The following CCDC68 variants were observed in gnomAD, a reference collection of about 807,000 sequenced individuals.
CCDC68 encodes coiled-coil domain containing 68.
In CCDC68, 45 loss-of-function variants were observed where a neutral mutation model predicts 47.1. The ratio of observed to expected loss-of-function variants is 0.96; its 90% CI spans 0.75 to 1.23. The LOEUF is 1.23. Ranked by LOEUF, CCDC68 falls within the 50% of genes most tolerant of loss-of-function variation. CCDC68 has a pLI of 0.00. For missense variants in CCDC68, 353 were observed against 373.6 expected (o/e 0.94, Z 0.45); for synonymous variants, 131 against 129.5 (o/e 1.01, Z -0.08).
chr18:54,950,801 T>TATATATATATATATATATATATATATAA (rs2044602515), intron 1 of CCDC68, among the ~76,000 whole-genome samples: 1 of 87,530 alleles, frequency 1.1e-5, no homozygotes, highest in Non-Finnish European at 2.3e-5. Flanking sequence ...TATATATATA[T>TATATATATATATATATATATATATATAA]ATGATGCAAT....
At chr18:54,904,542 A>G in intron 11 of CCDC68, 127 bp from the exon 12 acceptor site, 1 of 722,410 alleles carries the variant, frequency 1.4e-6, no homozygotes, top group Non-Finnish European at 2.4e-6. Flanking sequence ...TTGTTCTAAG[A>G]GATGTGTTAA....
In CCDC68 at chr18:54,956,435, A is replaced by G. The variant is rs1338036043; in HGVS notation, c.-103+2901T>C. On this transcript the variant is annotated intron_variant, in intron 1 of 11. Transcript: ENST00000591504. ...AAAGCACCAAATAAGAGGTTGGCTC[A>G]TATCAGTTATTCTCACATTATGCTA... Among the ~76,000 whole-genome samples the G allele has an allele frequency of 2.0e-5, 3 of 152,272 alleles. 1 individual carries two copies. Among genetic ancestry groups the G allele is most frequent in the African/African-American group, 7.2e-5 (3 of 41,478 alleles).
chr18:54,924,589 C>T (rs759632445), intron 8 of CCDC68, among the ~76,000 whole-genome samples: 1 of 152,184 alleles, frequency 6.6e-6, no homozygotes, highest in African/African-American at 2.4e-5. Flanking sequence ...GGTTCACTTC[C>T]TGTTAGATTC....
At chr18:54,928,105 A>T (rs2044176389) in intron 8 of CCDC68, among the ~76,000 whole-genome samples, 1 of 152,202 alleles carries the variant, frequency 6.6e-6, no homozygotes, top group Non-Finnish European at 1.5e-5. Context: ...CGGAACATAC[A>T]ATGACTGTGT....
chr18:54,917,856 C>T (rs2043982307), intron 10 of CCDC68, 57 bp downstream of exon 10: 1 of 921,830 alleles, frequency 1.1e-6, no homozygotes, highest in Non-Finnish European at 1.8e-6. Context: ...CACACACACA[C>T]ACACACACAC....
intron 8 of CCDC68, among the ~76,000 whole-genome samples, 176 bp from the exon 9 acceptor site, chr18:54,919,552 G>C (rs996396177): frequency 1.3e-5 from 2 of 152,174 alleles, no homozygotes; most frequent in African/African-American, 4.8e-5. Flanking sequence ...TATGAAGCGG[G>C]CTCTAATTTG....
chr18:54,930,695 C>CCTCTCTCTCTCT (rs773697746), intron 7 of CCDC68, among the ~76,000 whole-genome samples: 3 of 73,896 alleles, frequency 4.1e-5, no homozygotes, highest in Admixed American at 1.4e-4. Context: ...TCCCTCCCTC[C>CCTCTCTCTCTCT]CTCTCTCTCT....
chr18:54,928,670 A>G (rs1465106907), intron 8 of CCDC68, 130 bp downstream of exon 8: 2 of 637,344 alleles, frequency 3.1e-6, no homozygotes. Flanking sequence ...CCAAGAATTC[A>G]ACCTTCCTCC....
chr18:54,916,616 C>T (rs115985999), intron 10 of CCDC68, among the ~76,000 whole-genome samples: 152 of 152,156 alleles, frequency 1.0e-3, no homozygotes, highest in African/African-American at 3.5e-3. Context: ...AGCAGAGACA[C>T]GGCAAGAAAT....
intron 10 of CCDC68, among the ~76,000 whole-genome samples, chr18:54,908,628 A>C (rs1188846033): frequency 6.6e-6 from 1 of 152,182 alleles, no homozygotes; most frequent in African/African-American, 2.4e-5. Context: ...CCTTCTCCAC[A>C]GATTTAAAAT....
intron 8 of CCDC68, among the ~76,000 whole-genome samples, chr18:54,921,244 G>A (rs1181574561): frequency 6.6e-6 from 1 of 152,176 alleles, no homozygotes; most frequent in Non-Finnish European, 1.5e-5. Context: ...TGAGTGCTAT[G>A]CTGGCTACCT....
At position 54,901,666 on chromosome 18, in the gene CCDC68, T is replaced by C. The variant is rs1217583504; in HGVS notation, c.*2692A>G. The C allele has an allele frequency of 2.0e-5, 3 of 152,192 alleles. No homozygotes were observed. Among genetic ancestry groups the C allele is most frequent in the Non-Finnish European group, 4.4e-5 (3 of 68,034 alleles). 9.4% of individuals were successfully genotyped at this position (152,192 alleles called of 1,614,324 possible). On this transcript the variant is annotated 3_prime_UTR_variant, in exon 12 of 12. Coordinates refer to ENST00000591504, the MANE Select transcript of CCDC68 (RefSeq NM_025214.3). ...TATAATGATAATTTGTAACAACATA[T>C]GTAATCAAGGTAGAACTAAGTTTCT... is the stretch of plus-strand genomic sequence containing the variant.
chr18:54,947,017 G>C (rs1307489972), intron 1 of CCDC68, among the ~76,000 whole-genome samples: 1 of 152,066 alleles, frequency 6.6e-6, no homozygotes, highest in Non-Finnish European at 1.5e-5. Flanking sequence ...TCTGTCTTTG[G>C]TTCAGAAAAC....
In CCDC68 at chr18:54,934,833, T is replaced by C; in HGVS notation, c.587A>G (p.Gln196Arg). The C allele has an allele frequency of 6.4e-7, 1 of 1,551,832 alleles. No individual in the cohort carries two copies. The highest frequency in any genetic ancestry group is 2.4e-5 in the East Asian group (1 of 41,232). Residue 196 changes from glutamine to arginine, a missense_variant, in exon 7 of 12, where the codon CAG becomes CGG. Gln to Arg is a conservative substitution (Grantham distance 43). Coordinates refer to ENST00000591504, the MANE Select transcript of CCDC68 (RefSeq NM_025214.3). ...CCAGGGGCGTACCTTTTCCATTCTC[T>C]GTACAAGGTTCTCCAATTCTGTAAT... ...SQITELENLV[Q>R]RMEKEKRTLL...
At chr18:54,923,655 G>A (rs1474684897) in intron 8 of CCDC68, among the ~76,000 whole-genome samples, 1 of 151,660 alleles carries the variant, frequency 6.6e-6, no homozygotes, top group East Asian at 1.9e-4. Flanking sequence ...ATATATCTAA[G>A]TAAGCTGCCA....
At position 54,903,073 on chromosome 18, in the gene CCDC68, A is replaced by T. The variant is rs1255466099; in HGVS notation, c.*1285T>A. On this transcript the variant is annotated 3_prime_UTR_variant, in exon 12 of 12. Transcript: ENST00000591504. Reference sequence around the variant, plus strand: ...GCGTAAAACTCACACACAGTTACACAACAATTCAAGGATTACAGTACTTGG... The same window carrying T: ...GCGTAAAACTCACACACAGTTACACTACAATTCAAGGATTACAGTACTTGG... The T allele has an allele frequency of 6.6e-6, 1 of 152,236 alleles. No individual in the cohort carries two copies. Among genetic ancestry groups the T allele is most frequent in the Non-Finnish European group, 1.5e-5 (1 of 68,036 alleles). The allele number at this position is 152,236 out of a possible 1,614,324, so 9.4% of individuals were successfully genotyped here.
intron 7 of CCDC68, among the ~76,000 whole-genome samples, chr18:54,932,150 C>T (rs2044274897): frequency 6.6e-6 from 1 of 150,448 alleles, no homozygotes; most frequent in Non-Finnish European, 1.5e-5. Context: ...TATTTATTTG[C>T]TTGTTTCACA....
At chr18:54,952,752 C>T (rs1335361809) in intron 1 of CCDC68, among the ~76,000 whole-genome samples, 4 of 152,200 alleles carry the variant, frequency 2.6e-5, no homozygotes, top group African/African-American at 9.7e-5. Context: ...GTGGCTCACA[C>T]CTGTAATCCC....
chr18:54,946,781 A>C (rs2044535237), intron 1 of CCDC68, among the ~76,000 whole-genome samples: 1 of 152,026 alleles, frequency 6.6e-6, no homozygotes, highest in Non-Finnish European at 1.5e-5. Flanking sequence ...CTTTGTCTTC[A>C]CTTACATAGC....
Sources: gnomAD v4.1 joint callset for allele counts (sites outside exome capture counted in the v4.1 genomes callset) on GRCh38, gnomAD v4.1.1 for gene constraint, MANE v1.5 for transcripts, NCBI Gene and HGNC (gene_info 2026-07-23, HGNC 2026-07-21) for gene names.